Variants in LRP1B observed in about 807,000 individuals in gnomAD.
The protein encoded by LRP1B is low-density lipoprotein receptor-related protein 1B.
A neutral mutation model predicts 556.6 loss-of-function variants in LRP1B; 217 were observed. That is an observed-to-expected ratio of 0.39 (90% CI 0.35 to 0.44). The LOEUF is 0.44. Ranked by LOEUF, LRP1B falls within the 20% of genes least tolerant of loss-of-function variation. The pLI, the probability that LRP1B is intolerant of heterozygous loss-of-function variation, is 1.00. For synonymous variants in LRP1B, 2,047 were observed against 1,865.8 expected (o/e 1.10, Z -2.50); for missense variants, 5,053 against 5,620.8 (o/e 0.90, Z 3.23).
At chr2:141,946,463 G>T (rs772295139) in intron 1 of LRP1B, among the ~76,000 whole-genome samples, 9 of 152,116 alleles carry the variant, frequency 5.9e-5, no homozygotes. Context: ...GTGAAGGATG[G>T]CAAATAGAAG....
intron 1 of LRP1B, among the ~76,000 whole-genome samples, chr2:142,004,357 C>T (rs1373289293): frequency 1.3e-5 from 2 of 151,704 alleles, no homozygotes; most frequent in African/African-American, 2.4e-5. Context: ...TGTAAAATGA[C>T]CATTGTTATG....
At chr2:141,189,049 T>A (rs1012055223) in intron 6 of LRP1B, among the ~76,000 whole-genome samples, 1 of 151,940 alleles carries the variant, frequency 6.6e-6, no homozygotes, top group Non-Finnish European at 1.5e-5. Context: ...GAAAAGGAGA[T>A]CTATAAGATT....
chr2:141,851,028 G>A (rs545401619), intron 1 of LRP1B, among the ~76,000 whole-genome samples: 3 of 151,832 alleles, frequency 2.0e-5, no homozygotes, highest in African/African-American at 7.2e-5. Flanking sequence ...CACAAGGAGT[G>A]AGAGGTTAGT....
At chr2:140,268,641 A>G (rs1160292513) in intron 86 of LRP1B, among the ~76,000 whole-genome samples, 1 of 152,006 alleles carries the variant, frequency 6.6e-6, no homozygotes, top group African/African-American at 2.4e-5. Context: ...TTCCATTGTC[A>G]TGAACATTGA....
At chr2:141,187,387 A>G (rs1681307837) in intron 7 of LRP1B, among the ~76,000 whole-genome samples, 1 of 152,090 alleles carries the variant, frequency 6.6e-6, no homozygotes. Context: ...TCTTCAGTAA[A>G]TATTTTCCCA....
At chr2:140,633,194 T>C (rs919894380) in intron 41 of LRP1B, among the ~76,000 whole-genome samples, 3 of 152,002 alleles carry the variant, frequency 2.0e-5, no homozygotes, top group Admixed American at 1.3e-4. Flanking sequence ...CCTCAAATAT[T>C]TGGAGATTAA....
intron 7 of LRP1B, among the ~76,000 whole-genome samples, chr2:141,088,179 T>C (rs1159516140): frequency 6.6e-6 from 1 of 152,162 alleles, no homozygotes; most frequent in East Asian, 1.9e-4. Context: ...AATCCTAATA[T>C]AATCCAGTAA....
intron 1 of LRP1B, among the ~76,000 whole-genome samples, chr2:141,899,138 G>T (rs2104930024): frequency 6.6e-6 from 1 of 152,186 alleles, no homozygotes; most frequent in Non-Finnish European, 1.5e-5. Flanking sequence ...TATATGTGAG[G>T]GTGGCAGTGG....
intron 60 of LRP1B, among the ~76,000 whole-genome samples, chr2:140,459,272 T>C (rs1259501859): frequency 6.6e-6 from 1 of 152,198 alleles, no homozygotes; most frequent in Non-Finnish European, 1.5e-5. Flanking sequence ...GGCAAAATGT[T>C]AATAATTAAT....
chr2:141,202,575 C>T (rs573749615), intron 6 of LRP1B, among the ~76,000 whole-genome samples: 139 of 152,006 alleles, frequency 9.1e-4, no homozygotes, highest in African/African-American at 3.1e-3. Context: ...ACCTCGCCAG[C>T]GTATGTTATT....
intron 35 of LRP1B, among the ~76,000 whole-genome samples, chr2:140,718,915 A>T (rs1439739971): frequency 4.6e-5 from 7 of 152,012 alleles, no homozygotes; most frequent in Non-Finnish European, 1.5e-5. Flanking sequence ...TCTTAGCTCA[A>T]ATATCCCCTT....
At chr2:142,035,661 C>T (rs770769994) in intron 1 of LRP1B, among the ~76,000 whole-genome samples, 18 of 151,580 alleles carry the variant, frequency 1.2e-4, no homozygotes, top group Non-Finnish European at 1.8e-4. Context: ...TTAACAACAA[C>T]TTTTTTTCTG....
At chr2:141,473,840 C>G (rs538708063) in intron 3 of LRP1B, among the ~76,000 whole-genome samples, 1 of 151,860 alleles carries the variant, frequency 6.6e-6, no homozygotes, top group Non-Finnish European at 1.5e-5. Context: ...TTCTCCATAC[C>G]TTTGTTTTGG....
At chr2:142,097,853 A>G (rs1180001274) in intron 1 of LRP1B, among the ~76,000 whole-genome samples, 4 of 151,722 alleles carry the variant, frequency 2.6e-5, no homozygotes, top group Non-Finnish European at 5.9e-5. Flanking sequence ...CATGGTGTAC[A>G]CATGTAAATA....
In LRP1B at chr2:141,062,285, A is replaced by G. The variant is rs751007032; in HGVS notation, c.1014-12T>C. ...TAAAGAAAAGTTTTCTGTTGAAAGA[A>G]AACTAAATGTTAAAGTGGAGGGTGG... On this transcript the variant is annotated splice_polypyrimidine_tract_variant and intron_variant, in intron 7 of 90. Coordinates refer to ENST00000389484, the MANE Select transcript of LRP1B (RefSeq NM_018557.3). 6.3e-7 allele frequency: 1 copy of G among 1,589,592 alleles called. No individual in the cohort carries two copies. Among genetic ancestry groups the G allele is most frequent in the South Asian group, 1.1e-5 (1 of 88,802 alleles).
At chr2:141,032,035 A>T (rs531261921) in intron 11 of LRP1B, among the ~76,000 whole-genome samples, 1 of 152,204 alleles carries the variant, frequency 6.6e-6, no homozygotes, top group African/African-American at 2.4e-5. Flanking sequence ...ATTTTAAAAG[A>T]CAGTCAGATG....
At chr2:141,499,223 G>A (rs989962334) in intron 2 of LRP1B, among the ~76,000 whole-genome samples, 4 of 152,038 alleles carry the variant, frequency 2.6e-5, no homozygotes, top group South Asian at 2.1e-4. Context: ...TTTTACAGGT[G>A]CAGAAATAGA....
intron 3 of LRP1B, among the ~76,000 whole-genome samples, chr2:141,345,060 T>C (rs1411380786): frequency 6.6e-6 from 1 of 152,100 alleles, no homozygotes; most frequent in Non-Finnish European, 1.5e-5. Flanking sequence ...GAGAAGTACG[T>C]TACAAAGTTA....
At chr2:141,870,376 A>G (rs772441815) in intron 1 of LRP1B, among the ~76,000 whole-genome samples, 1 of 151,868 alleles carries the variant, frequency 6.6e-6, no homozygotes, top group Non-Finnish European at 1.5e-5. Flanking sequence ...CCAGCAAACC[A>G]CACTCTGGGG....
Sources: gnomAD v4.1 joint callset for allele counts (sites outside exome capture counted in the v4.1 genomes callset) on GRCh38, gnomAD v4.1.1 for gene constraint, MANE v1.5 for transcripts, NCBI Gene and HGNC (gene_info 2026-07-23, HGNC 2026-07-21) for gene names.